CYP2E1: variants seen among roughly 807,000 people sequenced by gnomAD.
CYP2E1 encodes the protein cytochrome P450 2E1.
Under a neutral mutation model 42.9 loss-of-function variants are expected in CYP2E1, and 31 were observed. The ratio of observed to expected loss-of-function variants is 0.72; its 90% confidence interval spans 0.54 to 0.98. The LOEUF (loss-of-function observed/expected upper bound fraction) is 0.98. CYP2E1 is among the 50% of genes least tolerant of loss of function. The pLI is 0.00. For missense variants in CYP2E1, 565 were observed against 633.2 expected (o/e 0.89, Z 1.16); for synonymous variants, 244 against 248.9 (o/e 0.98, Z 0.19).
intron 2 of CYP2E1, among the ~76,000 whole-genome samples, chr10:133,531,129 T>A (rs1386194668): frequency 6.6e-6 from 1 of 152,150 alleles, no homozygotes; most frequent in Non-Finnish European, 1.5e-5. Context: ...GTCGGAAAGC[T>A]GCAAGTTGAG....
intron 2 of CYP2E1, among the ~76,000 whole-genome samples, chr10:133,530,695 A>T (rs1387881034): frequency 6.6e-6 from 1 of 152,108 alleles, no homozygotes; most frequent in Non-Finnish European, 1.5e-5. Context: ...TGCAGGAAGT[A>T]CCCAAAATGT....
At position 133,532,738 on chromosome 10, in the gene CYP2E1, A is replaced by C; in HGVS notation, c.695A>C (p.His232Pro). Reference sequence around the variant, plus strand: ...TTTCTACACTACTTGCCTGGAAGCCACAGAAAAGTCATAAAAAATGTGGCT... The same window carrying C: ...TTTCTACACTACTTGCCTGGAAGCCCCAGAAAAGTCATAAAAAATGTGGCT... ...PSFLHYLPGS[H>P]RKVIKNVAEV... The change falls in exon 5 of 9, where the codon CAC (histidine) becomes CCC (proline). Residue 232 changes from histidine (H) to proline (P), a missense_variant. Physicochemically the swap from His to Pro is moderately conservative, Grantham distance 77 (BLOSUM62 -2). Transcript: ENST00000252945. 6.2e-7 allele frequency: 1 copy of C among 1,612,684 alleles called. No homozygotes were observed. The highest frequency in any genetic ancestry group is 8.5e-7 in the Non-Finnish European group (1 of 1,179,618).
At chr10:133,537,632 T>G (rs1043128351) in intron 7 of CYP2E1, 119 bp from the exon 8 acceptor site, 7 of 891,080 alleles carry the variant, frequency 7.9e-6, no homozygotes, top group Non-Finnish European at 1.2e-5. Flanking sequence ...CTCCTTCAAC[T>G]GGAAATATAC....
Position 133,536,972 on chromosome 10 carries a change from AAG to A in CYP2E1, c.968-90_968-89del, listed in dbSNP as rs1851413254. 11 of 1,229,784 alleles carry A rather than the reference AAG, an allele frequency of 8.9e-6. No homozygotes were observed. In the Admixed American group the frequency reaches 1.5e-4, roughly 16 times the overall value. 76.2% of individuals were successfully genotyped at this position (1,229,784 alleles called of 1,614,324 possible). ...GATGTGTAGGTGGGCAGATGGATAA[AAG>A]CGTGATTGAATAGATGGGTGGATGA... On this transcript the variant is annotated intron_variant, in intron 6 of 8. Transcript: ENST00000252945.
chr10:133,534,470 A>G (rs541696891), intron 6 of CYP2E1, among the ~76,000 whole-genome samples: 1 of 152,280 alleles, frequency 6.6e-6, no homozygotes, highest in South Asian at 2.1e-4. Context: ...GCAGAGGGTC[A>G]TGCCCTGAGA....
chr10:133,532,156 TGC>T lies in CYP2E1; in HGVS notation c.525_526del (p.Pro176LeufsTer14). On this transcript the variant is annotated frameshift_variant, in exon 4 of 9. Coordinates refer to ENST00000252945, the MANE Select transcript of CYP2E1 (RefSeq NM_000773.4). LOFTEE classifies it high-confidence loss of function. The stretch of plus-strand genomic sequence containing the variant: ...TTTCGACCCCACCTTCCTCATCGGC[TGC>T]GCGCCCTGCAACGTCATAGCCGACA... The part of the protein sequence containing the change: ...QPFDPTFLIG[C>X]APCNVIADIL... 1 of 1,613,984 alleles carries T rather than the reference TGC, an allele frequency of 6.2e-7. No individual in the cohort carries two copies. The highest frequency in any genetic ancestry group is 8.5e-7 in the Non-Finnish European group (1 of 1,179,992).
intron 2 of CYP2E1, among the ~76,000 whole-genome samples, chr10:133,529,900 A>G (rs1208930859): frequency 6.6e-6 from 1 of 152,098 alleles, no homozygotes; most frequent in Non-Finnish European, 1.5e-5. Context: ...AAAATTAACC[A>G]TCTCAGTCCT....
At chr10:133,534,318 C>T (rs963779306) in intron 6 of CYP2E1, among the ~76,000 whole-genome samples, 5 of 152,100 alleles carry the variant, frequency 3.3e-5, no homozygotes, top group Non-Finnish European at 7.4e-5. Flanking sequence ...TCCTCAAATG[C>T]GGACGTGAGG....
rs185250611 is a variant in CYP2E1 at position 133,534,134 on chromosome 10, G to C, written c.967+237G>C. 2.0e-5 allele frequency among the ~76,000 whole-genome samples: 3 copies of C among 152,270 alleles called. No individual in the cohort carries two copies. In the East Asian group the frequency reaches 5.8e-4, roughly 29 times the overall value. On this transcript the variant is annotated intron_variant, in intron 6 of 8. Transcript: ENST00000252945. ...CTAAGACACCCCTGGTTGCAGAAAA[G>C]AACATCCCAACACCAGAGTGGAGAG...
In CYP2E1 at chr10:133,533,740, G is replaced by A; in HGVS notation, c.826-16G>A. On this transcript the variant is annotated splice_polypyrimidine_tract_variant and intron_variant, in intron 5 of 8. Coordinates refer to ENST00000252945, the MANE Select transcript of CYP2E1 (RefSeq NM_000773.4). ...CAAGCAGCCCCTTCTCCTCCGGTCT[G>A]TCTCCGGTATCACAGGAAAAGCACA... The A allele has an allele frequency of 6.2e-7, 1 of 1,613,498 alleles. No individual in the cohort carries two copies. Among genetic ancestry groups the A allele is most frequent in the Non-Finnish European group, 8.5e-7 (1 of 1,179,688 alleles).
chr10:133,535,204 C>T (rs991237165), intron 6 of CYP2E1, among the ~76,000 whole-genome samples: 3 of 152,006 alleles, frequency 2.0e-5, no homozygotes, highest in Non-Finnish European at 4.4e-5. Flanking sequence ...TGTGGTGGCA[C>T]GCGCCTATAG....
At chr10:133,537,975 C>G (rs1851425867) in intron 8 of CYP2E1, 83 bp downstream of exon 8, 15 of 1,412,454 alleles carry the variant, frequency 1.1e-5, no homozygotes, top group South Asian at 5.5e-5. Context: ...CTGCCCTCGT[C>G]CCAGGCACCC....
intron 8 of CYP2E1, among the ~76,000 whole-genome samples, chr10:133,538,475 G>A (rs1589957575): frequency 1.3e-5 from 2 of 152,156 alleles, no homozygotes; most frequent in East Asian, 3.9e-4. Context: ...CATCACTGAT[G>A]AGCACTGGGG....
intron 2 of CYP2E1, among the ~76,000 whole-genome samples, chr10:133,531,100 T>G (rs982097408): frequency 6.6e-6 from 1 of 152,050 alleles, no homozygotes; most frequent in Non-Finnish European, 1.5e-5. Flanking sequence ...AAGATTTTAG[T>G]GAAGAAACTT....
At chr10:133,531,423 A>T (rs1185182817) in intron 2 of CYP2E1, among the ~76,000 whole-genome samples, 162 bp from the exon 3 acceptor site, 1 of 152,140 alleles carries the variant, frequency 6.6e-6, no homozygotes. Context: ...CGGTGCTGGC[A>T]GCTCCCAGGC....
At position 133,528,444 on chromosome 10, in the gene CYP2E1, C is replaced by G. The variant is rs766513448; in HGVS notation, c.178-37C>G. On this transcript the variant is annotated intron_variant, in intron 1 of 8. Transcript: ENST00000252945. ...CTTAGAGCCCCGCACCTCCTCGCCGCGCGGCGGGCCTGACTTCTAGCCACG... is the reference window on the plus strand; with the variant it reads ...CTTAGAGCCCCGCACCTCCTCGCCGGGCGGCGGGCCTGACTTCTAGCCACG... 1.7e-5 allele frequency: 28 copies of G among 1,606,764 alleles called. No homozygotes were observed. The Admixed American group carries it at 4.0e-4, about 23-fold the overall frequency.
chr10:133,532,262 T>A lies in CYP2E1; in HGVS notation c.626T>A (p.Leu209Gln), dbSNP rs1397676621. The stretch of plus-strand genomic sequence containing the variant: ...TATTTGTTTAATGAGAACTTCCACC[T>A]ACTCAGCACTCCCTGGCTCCAGGTG... ...LMYLFNENFHLLSTPWLQLYN... is the reference protein window; with the variant it reads ...LMYLFNENFHQLSTPWLQLYN... Residue 209 changes from leucine to glutamine, a missense_variant, in exon 4 of 9, where the codon CTA becomes CAA. Leu to Gln is a moderately radical substitution (Grantham distance 113). Transcript: ENST00000252945. The A allele has an allele frequency of 1.2e-6, 2 of 1,613,178 alleles. No homozygotes were observed. Among genetic ancestry groups the A allele is most frequent in the Admixed American group, 3.3e-5 (2 of 59,996 alleles).
At chr10:133,528,672 G>C in intron 2 of CYP2E1, 32 bp downstream of exon 2, 8 of 1,611,054 alleles carry the variant, frequency 5.0e-6, no homozygotes, top group Non-Finnish European at 6.8e-6. Flanking sequence ...GGAGCGGGGG[G>C]TGCATAACAC....
intron 2 of CYP2E1, among the ~76,000 whole-genome samples, chr10:133,529,325 C>T (rs1851310344): frequency 6.6e-6 from 1 of 152,224 alleles, no homozygotes; most frequent in Non-Finnish European, 1.5e-5. Context: ...TCCCAGCCTC[C>T]TGGCTTCAGA....
Sources: gnomAD v4.1 joint callset for allele counts (sites outside exome capture counted in the v4.1 genomes callset) on GRCh38, gnomAD v4.1.1 for gene constraint, MANE v1.5 for transcripts, NCBI Gene and HGNC (gene_info 2026-07-23, HGNC 2026-07-21) for gene names.